Variants in RBFOX2 observed in about 807,000 individuals in gnomAD.
The protein encoded by RBFOX2 is RNA binding protein fox-1 homolog 2.
RBFOX2 carries 10 observed loss-of-function variants against 49.1 expected under a neutral mutation model. The ratio of observed to expected loss-of-function variants is 0.20; its 90% confidence interval spans 0.13 to 0.35. The LOEUF is 0.35. Ranked by LOEUF, RBFOX2 falls within the 10% of genes least tolerant of loss-of-function variation. The probability of loss-of-function intolerance (pLI) is 1.00; values close to 1 mark genes in which losing one functional copy is unlikely to be tolerated. For missense variants in RBFOX2, 323 were observed against 486.9 expected, an observed-to-expected ratio of 0.66 and a Z score of 3.17; for synonymous variants, 183 against 187.4, an observed-to-expected ratio of 0.98 and a Z score of 0.19.
intron 1 of RBFOX2, among the ~76,000 whole-genome samples, chr22:35,949,172 AAAT>A (rs1048085642): frequency 1.5e-4 from 23 of 152,218 alleles, no homozygotes; most frequent in African/African-American, 5.3e-4. Context: ...TTCTAAGTCC[AAAT>A]AATAATATTG....
upstream of RBFOX2, among the ~76,000 whole-genome samples, chr22:35,842,368 T>C (rs1215755521): frequency 1.3e-5 from 2 of 152,170 alleles, 1 homozygote; most frequent in Admixed American, 1.3e-4. Flanking sequence ...ATTTAACACT[T>C]TTTAGAAGTG....
intron 1 of RBFOX2, among the ~76,000 whole-genome samples, chr22:35,893,134 G>A (rs1305957332): frequency 6.6e-6 from 1 of 152,202 alleles, no homozygotes; most frequent in African/African-American, 2.4e-5. Flanking sequence ...GGCATACATA[G>A]GAAATATTTT....
chr22:36,009,819 T>A (rs1358418130), intron 1 of RBFOX2, among the ~76,000 whole-genome samples: 1 of 152,196 alleles, frequency 6.6e-6, no homozygotes, highest in African/African-American at 2.4e-5. Flanking sequence ...ACTATTTCCA[T>A]CCAAGCAGTG....
At chr22:35,739,400 C>T (rs1233752790) in exon 12 of RBFOX2, 1 of 152,432 alleles carries the variant, frequency 6.6e-6, no homozygotes, top group Non-Finnish European at 1.5e-5. Flanking sequence ...CGCTTTGCAG[C>T]CCTAGCTTAC....
At chr22:35,771,925 G>T (rs1223179971) in intron 4 of RBFOX2, among the ~76,000 whole-genome samples, 1 of 152,142 alleles carries the variant, frequency 6.6e-6, no homozygotes, top group African/African-American at 2.4e-5. Context: ...CTTAGAAATT[G>T]AATTGACATT....
chr22:36,012,762 CT>C (rs941262677), intron 1 of RBFOX2, among the ~76,000 whole-genome samples: 2 of 151,542 alleles, frequency 1.3e-5, no homozygotes, highest in African/African-American at 2.4e-5. Flanking sequence ...TTTATCAGTT[CT>C]TTTTTTTGTT....
chr22:35,773,518 T>C (rs1424368868), intron 4 of RBFOX2, among the ~76,000 whole-genome samples: 1 of 152,088 alleles, frequency 6.6e-6, no homozygotes, highest in Non-Finnish European at 1.5e-5. Context: ...TGTATCAGAT[T>C]ATCACATATA....
At chr22:35,813,611 T>C (rs1031292942) in intron 1 of RBFOX2, among the ~76,000 whole-genome samples, 13 of 152,218 alleles carry the variant, frequency 8.5e-5, no homozygotes, top group African/African-American at 1.4e-4. Context: ...CTATAAGACA[T>C]TGAAATCTAA....
At chr22:35,881,842 C>T (rs1032253989) in intron 1 of RBFOX2, among the ~76,000 whole-genome samples, 2 of 151,132 alleles carry the variant, frequency 1.3e-5, no homozygotes, top group African/African-American at 4.9e-5. Context: ...ACCTGTAGTC[C>T]CAGCTACTTG....
chr22:35,752,507 G>A (rs917706969), intron 9 of RBFOX2: 2 of 597,434 alleles, frequency 3.3e-6, no homozygotes, highest in Non-Finnish European at 4.2e-6. Context: ...GTCCAAAAAA[G>A]CCTCTGTTCC....
chr22:35,790,556 C>T (rs942737462), intron 2 of RBFOX2, among the ~76,000 whole-genome samples: 2 of 152,116 alleles, frequency 1.3e-5, no homozygotes, highest in East Asian at 1.9e-4. Context: ...AAAATAAGGC[C>T]TATATTTTAC....
upstream of RBFOX2, among the ~76,000 whole-genome samples, chr22:35,964,039 C>T (rs147536257): frequency 3.3e-3 from 495 of 152,290 alleles, 3 homozygotes; most frequent in Middle Eastern, 0.01. Context: ...AGCCACTATG[C>T]CCTGCCTAGT....
chr22:35,794,582 C>T (rs138950874), intron 2 of RBFOX2, among the ~76,000 whole-genome samples: 2,201 of 151,560 alleles, frequency 0.015, 52 homozygotes, highest in African/African-American at 0.051. Flanking sequence ...GGCGTGAACC[C>T]GGGAGGCGGA....
At chr22:35,976,860 A>C (rs1455150152) in intron 1 of RBFOX2, among the ~76,000 whole-genome samples, 4 of 151,736 alleles carry the variant, frequency 2.6e-5, no homozygotes, top group African/African-American at 9.7e-5. Flanking sequence ...GCTACTTGGG[A>C]GGCTGAGGCA....
chr22:36,003,631 T>C (rs2146278691), intron 1 of RBFOX2, among the ~76,000 whole-genome samples: 1 of 152,338 alleles, frequency 6.6e-6, no homozygotes, highest in South Asian at 2.1e-4. Context: ...ATTAATTAAT[T>C]CACAGTTAAA....
At chr22:35,880,063 C>G (rs1187939565) in intron 1 of RBFOX2, among the ~76,000 whole-genome samples, 5 of 151,772 alleles carry the variant, frequency 3.3e-5, no homozygotes, top group Admixed American at 6.6e-5. Flanking sequence ...AGCCGACTCA[C>G]AAGAATCGCT....
chr22:35,985,035 G>C (rs141250106), intron 1 of RBFOX2, among the ~76,000 whole-genome samples: 3 of 152,122 alleles, frequency 2.0e-5, no homozygotes, highest in Non-Finnish European at 4.4e-5. Flanking sequence ...CAGATGATGC[G>C]AAGAAAAGAT....
rs114334375 is a variant in RBFOX2, at chr22:35,882,494, G to T, written c.-34+56353C>A. 2.6e-3 allele frequency among the ~76,000 whole-genome samples: 392 copies of T among 152,312 alleles called. 4 individuals carry two copies. Among genetic ancestry groups the T allele is most frequent in the African/African-American group, 9.2e-3 (383 of 41,556 alleles). ...TTAAAGGAAAAGAAATTCAGCAGTTGCTGGCAAAGTGAGGTCAAGAGTATT... is the reference window on the plus strand; with the variant it reads ...TTAAAGGAAAAGAAATTCAGCAGTTTCTGGCAAAGTGAGGTCAAGAGTATT... On this transcript the variant is annotated intron_variant, in intron 1 of 13. Coordinates refer to the RBFOX2 transcript ENST00000359369.
exon 12 of RBFOX2, chr22:35,742,303 C>T (rs1405154095): frequency 2.0e-5 from 3 of 152,406 alleles, no homozygotes; most frequent in Non-Finnish European, 4.4e-5. Context: ...GCCTCTCTCC[C>T]AGTTACGAGG....
Sources: gnomAD v4.1 joint callset for allele counts (sites outside exome capture counted in the v4.1 genomes callset) on GRCh38, gnomAD v4.1.1 for gene constraint, MANE v1.5 for transcripts, NCBI Gene and HGNC (gene_info 2026-07-23, HGNC 2026-07-21) for gene names.